CDH18: variants seen among roughly 807,000 people sequenced by gnomAD.
CDH18 encodes the protein cadherin-18.
Under a neutral mutation model 67.9 loss-of-function variants are expected in CDH18, and 31 were observed. The observed-to-expected ratio is 0.46, with a 90% CI of 0.34 to 0.62. The LOEUF (loss-of-function observed/expected upper bound fraction) is 0.62, where lower values mean the gene tolerates loss of function less well. Among genes scored for constraint, CDH18 ranks in the 20% least tolerant of loss-of-function variants. CDH18 has a pLI of 0.01. For missense variants in CDH18, 890 were observed against 975.5 expected (o/e 0.91, Z 1.17); for synonymous variants, 362 against 347.2 (o/e 1.04, Z -0.48).
intron 2 of CDH18, among the ~76,000 whole-genome samples, chr5:19,885,500 T>C (rs933278239): frequency 3.3e-5 from 5 of 152,232 alleles, no homozygotes; most frequent in African/African-American, 7.2e-5. Flanking sequence ...TAACATTTGT[T>C]GTTTACATCT....
At chr5:19,680,087 C>G (rs1391731548) in intron 5 of CDH18, among the ~76,000 whole-genome samples, 1 of 151,894 alleles carries the variant, frequency 6.6e-6, no homozygotes. Context: ...GTTACAAAAA[C>G]AGATACATAG....
At chr5:20,020,660 G>A (rs1040339342) in intron 2 of CDH18, among the ~76,000 whole-genome samples, 3 of 152,140 alleles carry the variant, frequency 2.0e-5, no homozygotes, top group Admixed American at 2.0e-4. Flanking sequence ...GTGTGCCGGG[G>A]CCAAGGGTTG....
chr5:19,703,345 T>C (rs879388820), intron 5 of CDH18, among the ~76,000 whole-genome samples: 1 of 152,038 alleles, frequency 6.6e-6, no homozygotes, highest in Admixed American at 6.6e-5. Flanking sequence ...AGGGTAACAA[T>C]GTGCAAGTGT....
At chr5:19,777,236 C>T (rs1262794428) in intron 3 of CDH18, among the ~76,000 whole-genome samples, 1 of 152,136 alleles carries the variant, frequency 6.6e-6, no homozygotes, top group East Asian at 1.9e-4. Context: ...GCCGAGATCG[C>T]ATCATTCCAC....
chr5:20,556,511 G>A (rs762271845), intron 1 of CDH18, among the ~76,000 whole-genome samples: 4 of 152,182 alleles, frequency 2.6e-5, no homozygotes, highest in East Asian at 1.9e-4. Context: ...AAGTAGGCCC[G>A]TTCTCTTCTC....
At chr5:20,492,278 T>C (rs1249518536) in intron 1 of CDH18, among the ~76,000 whole-genome samples, 1 of 152,126 alleles carries the variant, frequency 6.6e-6, no homozygotes, top group African/African-American at 2.4e-5. Context: ...TATTTGGTTA[T>C]AAATTTCTTT....
chr5:20,456,534 A>G (rs1750846168), intron 1 of CDH18, among the ~76,000 whole-genome samples: 1 of 152,158 alleles, frequency 6.6e-6, no homozygotes, highest in Admixed American at 6.6e-5. Flanking sequence ...TTCCATTAAC[A>G]TGAATGCAAA....
intron 5 of CDH18, among the ~76,000 whole-genome samples, chr5:19,636,974 G>A (rs987644458): frequency 2.0e-5 from 3 of 152,034 alleles, no homozygotes; most frequent in Admixed American, 2.0e-4. Flanking sequence ...ACAGAATACT[G>A]TCTCCTCTCA....
At chr5:19,970,630 A>G (rs945952939) in intron 2 of CDH18, among the ~76,000 whole-genome samples, 3 of 151,804 alleles carry the variant, frequency 2.0e-5, no homozygotes, top group African/African-American at 7.2e-5. Flanking sequence ...CAACTATAAA[A>G]AACCTAAATG....
intron 5 of CDH18, among the ~76,000 whole-genome samples, chr5:19,624,724 T>G (rs2150154697): frequency 6.6e-6 from 1 of 152,244 alleles, no homozygotes; most frequent in Non-Finnish European, 1.5e-5. Flanking sequence ...AGAGCAAGTT[T>G]TTCCCTAAAG....
intron 11 of CDH18, among the ~76,000 whole-genome samples, chr5:19,489,250 C>CTTTTTTTTTTT (rs1237810466): frequency 7.0e-5 from 9 of 128,116 alleles, no homozygotes; most frequent in South Asian, 2.5e-4. Flanking sequence ...TTTTTTTTTT[C>CTTTTTTTTTTT]TTTTTTTTTT....
intron 1 of CDH18, among the ~76,000 whole-genome samples, chr5:20,385,613 C>T (rs1249313515): frequency 6.6e-6 from 1 of 152,104 alleles, no homozygotes; most frequent in African/African-American, 2.4e-5. Flanking sequence ...AAACTTTTGA[C>T]TTACACACAA....
chr5:19,859,070 C>A (rs1784595698), intron 2 of CDH18, among the ~76,000 whole-genome samples: 2 of 152,028 alleles, frequency 1.3e-5, no homozygotes, highest in South Asian at 2.1e-4. Flanking sequence ...CCCAAAAAAA[C>A]CATCACCAAA....
chr5:19,644,791 G>T (rs115907403), intron 5 of CDH18, among the ~76,000 whole-genome samples: 1 of 152,116 alleles, frequency 6.6e-6, no homozygotes, highest in Non-Finnish European at 1.5e-5. Context: ...ATCAAAGCAG[G>T]TTGCAACTTC....
At chr5:20,146,865 G>A (rs1165427967) in intron 2 of CDH18, among the ~76,000 whole-genome samples, 1 of 151,820 alleles carries the variant, frequency 6.6e-6, no homozygotes, top group Non-Finnish European at 1.5e-5. Flanking sequence ...TTATACTTTT[G>A]ATATAGACAG....
intron 1 of CDH18, among the ~76,000 whole-genome samples, chr5:20,497,284 G>C (rs1357023814): frequency 6.6e-6 from 1 of 151,994 alleles, no homozygotes; most frequent in Non-Finnish European, 1.5e-5. Flanking sequence ...AACTAATACA[G>C]AACAAATTTA....
At chr5:19,521,849 G>A (rs1469912726) in intron 9 of CDH18, among the ~76,000 whole-genome samples, 1 of 151,980 alleles carries the variant, frequency 6.6e-6, no homozygotes, top group Non-Finnish European at 1.5e-5. Context: ...GGTAATTACA[G>A]TCTACACATT....
intron 7 of CDH18, among the ~76,000 whole-genome samples, chr5:19,574,280 C>T (rs779723444): frequency 6.6e-6 from 1 of 152,060 alleles, no homozygotes; most frequent in Non-Finnish European, 1.5e-5. Context: ...TTCAGGTTGA[C>T]GATCATCTAA....
chr5:19,973,452 A>C (rs576774148), intron 2 of CDH18, among the ~76,000 whole-genome samples: 1 of 152,290 alleles, frequency 6.6e-6, no homozygotes, highest in East Asian at 1.9e-4. Flanking sequence ...TGGGCTGTGC[A>C]GCAGGAAATC....
Sources: gnomAD v4.1 joint callset for allele counts (sites outside exome capture counted in the v4.1 genomes callset) on GRCh38, gnomAD v4.1.1 for gene constraint, MANE v1.5 for transcripts, NCBI Gene and HGNC (gene_info 2026-07-23, HGNC 2026-07-21) for gene names.